Variants in ZNF804A observed in about 807,000 individuals in gnomAD.
The protein encoded by ZNF804A is zinc finger protein 804A.
Under a neutral mutation model 16.5 loss-of-function variants are expected in ZNF804A, and 2 were observed. The ratio of observed to expected loss-of-function variants is 0.12; its 90% CI spans 0.05 to 0.38. The LOEUF is 0.38. Ranked by LOEUF, ZNF804A falls within the 10% of genes least tolerant of loss-of-function variation. The pLI is 0.99. For synonymous variants in ZNF804A, 534 were observed against 489.6 expected (o/e 1.09, Z -1.20); for missense variants, 1,473 against 1,390.7 (o/e 1.06, Z -0.94).
In ZNF804A at chr2:184,621,432, T is replaced by C. The variant is rs1691418346; in HGVS notation, c.111+22362T>C. Among the ~76,000 whole-genome samples, 3 of 151,722 alleles carry C rather than the reference T, an allele frequency of 2.0e-5. No individual in the cohort carries two copies. The East Asian group carries it at 5.8e-4, about 29-fold the overall frequency. Reference sequence around the variant, plus strand: ...ATATTTCTAGATGGACAATCCGACATAAATGGCTTCAGAATTTGTGGATTT... The same window carrying C: ...ATATTTCTAGATGGACAATCCGACACAAATGGCTTCAGAATTTGTGGATTT... On this transcript the variant is annotated intron_variant, in intron 1 of 3. Transcript: ENST00000302277.
intron 1 of ZNF804A, among the ~76,000 whole-genome samples, chr2:184,830,865 C>T (rs1194524683): frequency 2.0e-5 from 3 of 151,996 alleles, no homozygotes; most frequent in Non-Finnish European, 4.4e-5. Context: ...ACACAAATGG[C>T]TATAATTTTT....
In ZNF804A at chr2:184,757,742, C is replaced by T. The variant is rs111485411; in HGVS notation, c.112-108627C>T. On this transcript the variant is annotated intron_variant, in intron 1 of 3. Transcript: ENST00000302277. ...TTTTTAAAATGTTATCTGGAGGATG[C>T]TGTACTTATTCTTTCATCCTTGCCA... Among the ~76,000 whole-genome samples the T allele has an allele frequency of 7.1e-3, 1,083 of 152,076 alleles. 10 individuals are homozygous for T. Among genetic ancestry groups the T allele is most frequent in the African/African-American group, 0.025 (1,039 of 41,528 alleles).
Position 184,875,960 on chromosome 2 carries a change from T to A in ZNF804A, c.255+9448T>A, listed in dbSNP as rs555610282. Among the ~76,000 whole-genome samples the A allele has an allele frequency of 4.6e-5, 7 of 152,232 alleles. No individual in the cohort carries two copies. In the East Asian group the frequency reaches 1.4e-3, roughly 29 times the overall value. ...TGCTTTGAAGAGATAGAAAAGGGAA[T>A]GATTGTCTTATTGCTGCTGCCCCTC... is the stretch of plus-strand genomic sequence containing the variant. On this transcript the variant is annotated intron_variant, in intron 2 of 3. Transcript: ENST00000302277.
At chr2:184,697,079 A>G (rs1692844032) in intron 1 of ZNF804A, among the ~76,000 whole-genome samples, 1 of 152,060 alleles carries the variant, frequency 6.6e-6, no homozygotes, top group Non-Finnish European at 1.5e-5. Context: ...GTGAACAAAT[A>G]AAGATAACCT....
chr2:184,696,674 A>G (rs916008501), intron 1 of ZNF804A, among the ~76,000 whole-genome samples: 3 of 152,154 alleles, frequency 2.0e-5, no homozygotes, highest in Non-Finnish European at 2.9e-5. Flanking sequence ...TTTATTATAA[A>G]TTAACATATG....
chr2:184,794,716 G>T (rs1421440518), intron 1 of ZNF804A, among the ~76,000 whole-genome samples: 1 of 152,084 alleles, frequency 6.6e-6, no homozygotes, highest in African/African-American at 2.4e-5. Context: ...CAAAATTGCA[G>T]AATAGACAAG....
intron 1 of ZNF804A, among the ~76,000 whole-genome samples, chr2:184,653,544 A>T (rs1336793454): frequency 6.6e-6 from 1 of 152,166 alleles, no homozygotes; most frequent in Admixed American, 6.5e-5. Flanking sequence ...AACTTGGGAG[A>T]CCCAACTGGA....
intron 2 of ZNF804A, among the ~76,000 whole-genome samples, chr2:184,909,516 GTCA>G (rs1229348300): frequency 1.3e-5 from 2 of 151,886 alleles, no homozygotes; most frequent in African/African-American, 4.8e-5. Context: ...CAAATGAAAT[GTCA>G]TCATATTTAT....
chr2:184,705,910 A>T (rs920317355), intron 1 of ZNF804A, among the ~76,000 whole-genome samples: 1 of 152,080 alleles, frequency 6.6e-6, no homozygotes, highest in African/African-American at 2.4e-5. Flanking sequence ...CTACCATGGC[A>T]CCTTTTTTTA....
chr2:184,615,353 A>G (rs1691302300), intron 1 of ZNF804A, among the ~76,000 whole-genome samples: 1 of 152,188 alleles, frequency 6.6e-6, no homozygotes, highest in African/African-American at 2.4e-5. Context: ...CATGTATCCC[A>G]GAACTTAAAT....
chr2:184,897,035 T>C (rs577792997), intron 2 of ZNF804A, among the ~76,000 whole-genome samples: 6 of 152,252 alleles, frequency 3.9e-5, no homozygotes, highest in African/African-American at 1.4e-4. Flanking sequence ...AAATTTCTCA[T>C]GTTGTACTAT....
At chr2:184,636,962 C>T (rs1042117546) in intron 1 of ZNF804A, among the ~76,000 whole-genome samples, 3 of 152,058 alleles carry the variant, frequency 2.0e-5, no homozygotes, top group Non-Finnish European at 4.4e-5. Flanking sequence ...AACTTTATCT[C>T]TGATATACAC....
chr2:184,912,250 T>A (rs1392287722), intron 2 of ZNF804A, among the ~76,000 whole-genome samples: 6 of 152,100 alleles, frequency 3.9e-5, no homozygotes, highest in Admixed American at 3.9e-4. Flanking sequence ...ATACAGTATA[T>A]GACCTTTTGT....
At chr2:184,823,568 A>G (rs1269201526) in intron 1 of ZNF804A, among the ~76,000 whole-genome samples, 1 of 152,124 alleles carries the variant, frequency 6.6e-6, no homozygotes, top group Non-Finnish European at 1.5e-5. Context: ...AATGCTTATT[A>G]AATCCTTTTG....
At chr2:184,600,256 A>G (rs937005459) in intron 1 of ZNF804A, among the ~76,000 whole-genome samples, 1 of 152,194 alleles carries the variant, frequency 6.6e-6, no homozygotes, top group Non-Finnish European at 1.5e-5. Context: ...CCAAGAATGA[A>G]AAGTTCTCAT....
intron 1 of ZNF804A, among the ~76,000 whole-genome samples, chr2:184,654,918 C>A (rs73043234): frequency 0.23 from 35,460 of 151,994 alleles, 4,330 homozygotes; most frequent in South Asian, 0.32. Flanking sequence ...TGGTGATGTA[C>A]CTTGCCTATT....
At chr2:184,638,061 A>G (rs947886057) in intron 1 of ZNF804A, among the ~76,000 whole-genome samples, 2 of 152,182 alleles carry the variant, frequency 1.3e-5, no homozygotes, top group African/African-American at 2.4e-5. Context: ...AGAACTTGCC[A>G]TTCAATCCTG....
intron 1 of ZNF804A, among the ~76,000 whole-genome samples, chr2:184,754,943 T>A (rs1195581398): frequency 2.0e-5 from 3 of 151,832 alleles, no homozygotes; most frequent in African/African-American, 7.3e-5. Context: ...TCAGATCTCG[T>A]GAGAAGTCAT....
chr2:184,800,463 C>T (rs1050676132), intron 1 of ZNF804A, among the ~76,000 whole-genome samples: 54 of 151,516 alleles, frequency 3.6e-4, no homozygotes, highest in African/African-American at 1.3e-3. Flanking sequence ...TTAGTCATAT[C>T]TCCCACATTA....
Sources: gnomAD v4.1 joint callset for allele counts (sites outside exome capture counted in the v4.1 genomes callset) on GRCh38, gnomAD v4.1.1 for gene constraint, MANE v1.5 for transcripts, NCBI Gene and HGNC (gene_info 2026-07-23, HGNC 2026-07-21) for gene names.